ESS2: variants seen among roughly 807,000 people sequenced by gnomAD.
ESS2 encodes the protein ess-2 spliceosome associated protein, also known as splicing factor ESS-2 homolog.
ESS2 carries 31 observed loss-of-function variants against 52.0 expected under a neutral mutation model. The observed-to-expected ratio is 0.60, with a 90% CI of 0.45 to 0.81. The LOEUF is 0.81. Ranked by LOEUF, ESS2 falls within the 30% of genes least tolerant of loss-of-function variation. ESS2 has a pLI of 0.00. For missense variants in ESS2, 602 were observed against 637.2 expected (o/e 0.94, Z 0.59); for synonymous variants, 285 against 259.2 (o/e 1.10, Z -0.95).
chr22:19,134,018 G>A lies in ESS2; in HGVS notation c.*178C>T. ...TTGGCAAGGCCCTGGGGTGTGGTGT[G>A]GGCACGAGTGCCTTGTGCCAGTCTG... On this transcript the variant is annotated 3_prime_UTR_variant, in exon 10 of 10. Transcript: ENST00000252137. 1.5e-6 allele frequency: 1 copy of A among 659,660 alleles called. No homozygotes were observed. The highest frequency in any genetic ancestry group is 2.2e-6 in the Non-Finnish European group (1 of 453,210). The allele number at this position is 659,660 out of a possible 1,614,324, so 40.9% of individuals were successfully genotyped here.
rs2083503345 is a variant in ESS2 at position 19,131,283 on chromosome 22, A to AAGCCCAGCCCAGGGC, written c.*2898_*2912dup. The AAGCCCAGCCCAGGGC allele has an allele frequency of 2.3e-6, 2 of 867,036 alleles. No individual in the cohort carries two copies. The highest frequency in any genetic ancestry group is 2.5e-5 in the East Asian group (1 of 40,180). The allele number at this position is 867,036 out of a possible 1,614,324, so 53.7% of individuals were successfully genotyped here. A position where few individuals can be genotyped will look rare whatever the true frequency, so the allele number is the denominator to read the frequency against. On this transcript the variant is annotated 3_prime_UTR_variant, in exon 10 of 10. Coordinates refer to ENST00000252137, the MANE Select transcript of ESS2 (RefSeq NM_022719.3). This position sits in a 1 kb window ranked among gnomAD's most constrained non-coding sequence, Gnocchi z 5.7. ...TGCTGAGTGTTCCACCCCTGAGTCG[A>AAGCCCAGCCCAGGGC]AGCCCAGCCCAGGGCAGCCCAGCCA...
At chr22:19,139,105 C>G in intron 6 of ESS2, 54 bp downstream of exon 6, 1 of 1,539,268 alleles carries the variant, frequency 6.5e-7, no homozygotes, top group Non-Finnish European at 8.7e-7. Flanking sequence ...ATGCCTGCCC[C>G]CAGGCAGCCC....
At position 19,131,721 on chromosome 22, in the gene ESS2, C is replaced by A. The variant is rs2146083969; in HGVS notation, c.*2475G>T. ...CGAGTTCATCAAGTGCCAGGGAGCCCTGCATGAGGACGTGGCACGCAAGAT... is the reference window on the plus strand; with the variant it reads ...CGAGTTCATCAAGTGCCAGGGAGCCATGCATGAGGACGTGGCACGCAAGAT... On this transcript the variant is annotated 3_prime_UTR_variant, in exon 10 of 10. Coordinates refer to ENST00000252137, the MANE Select transcript of ESS2 (RefSeq NM_022719.3). This position sits in a 1 kb window ranked among gnomAD's most constrained non-coding sequence, Gnocchi z 5.7. The A allele has an allele frequency of 6.2e-7, 1 of 1,614,100 alleles. No individual in the cohort carries two copies. Among genetic ancestry groups the A allele is most frequent in the Non-Finnish European group, 8.5e-7 (1 of 1,179,964 alleles).
At chr22:19,144,286 A>G in intron 1 of ESS2, 2 of 1,325,612 alleles carry the variant, frequency 1.5e-6, no homozygotes, top group Non-Finnish European at 1.9e-6. Context: ...CGTCCCATAC[A>G]AAGAGAGCCG....
rs1360235158 is a variant in ESS2 at position 19,139,271 on chromosome 22, AGCT to A, written c.707_709del (p.Gln236del). ...TACCACCTGCCGGGGCTTCTTAAACAGCTGCTCCTCGTCAGGGACACCTGGCAG... is the reference window on the plus strand; with the variant it reads ...TACCACCTGCCGGGGCTTCTTAAACAGCTCCTCGTCAGGGACACCTGGCAG... On this transcript the variant is annotated inframe_deletion, in exon 6 of 10. Coordinates refer to ENST00000252137, the MANE Select transcript of ESS2 (RefSeq NM_022719.3). The A allele has an allele frequency of 6.2e-7, 1 of 1,602,898 alleles. No homozygotes were observed. Among genetic ancestry groups the A allele is most frequent in the Non-Finnish European group, 8.5e-7 (1 of 1,173,776 alleles).
In ESS2 at chr22:19,131,561, G is replaced by C; in HGVS notation, c.*2635C>G. On this transcript the variant is annotated 3_prime_UTR_variant, in exon 10 of 10. Transcript: ENST00000252137. The surrounding 1 kb of genome is among the most constrained non-coding windows in gnomAD (Gnocchi z 5.7). ...AGAAAACACCTACTGACTTTGTGGAGAGATTCCTTCCTCGGGAGATGGACA... is the reference window on the plus strand; with the variant it reads ...AGAAAACACCTACTGACTTTGTGGACAGATTCCTTCCTCGGGAGATGGACA... 6.2e-7 allele frequency: 1 copy of C among 1,614,164 alleles called. No homozygotes were observed. The highest frequency in any genetic ancestry group is 8.5e-7 in the Non-Finnish European group (1 of 1,180,038).
Position 19,131,333 on chromosome 22 carries a change from G to A in ESS2, c.*2863C>T. The A allele has an allele frequency of 3.5e-6, 5 of 1,424,728 alleles. No homozygotes were observed. Among genetic ancestry groups the A allele is most frequent in the Non-Finnish European group, 4.8e-6 (5 of 1,041,230 alleles). The allele number at this position is 1,424,728 out of a possible 1,614,324, so 88.3% of individuals were successfully genotyped here. A position where few individuals can be genotyped will look rare whatever the true frequency, so the allele number is the denominator to read the frequency against. On this transcript the variant is annotated 3_prime_UTR_variant, in exon 10 of 10. Transcript: ENST00000252137. This position sits in a 1 kb window ranked among gnomAD's most constrained non-coding sequence, Gnocchi z 5.7. ...AGACGCCTCCGGTAGTGTAAATGAG[G>A]ACAATGCCTGCTGGCCCACATGACG... is the stretch of plus-strand genomic sequence containing the variant.
chr22:19,138,331 A>G lies in ESS2; in HGVS notation c.823-14T>C. On this transcript the variant is annotated splice_polypyrimidine_tract_variant and intron_variant, in intron 6 of 9. Coordinates refer to ENST00000252137, the MANE Select transcript of ESS2 (RefSeq NM_022719.3). ...GCCCTGTTTGTGCTGGAACAAGCAG[A>G]GAGGCTGGCATCAGGGGGACCGCAG... 1 of 1,612,550 alleles carries G rather than the reference A, an allele frequency of 6.2e-7. No individual in the cohort carries two copies.
rs538357476 is a variant in ESS2, at chr22:19,134,975, T to C, written c.1151+85A>G. The C allele has an allele frequency of 5.3e-6, 7 of 1,313,218 alleles. No individual in the cohort carries two copies. In the East Asian group the frequency reaches 1.4e-4, roughly 26 times the overall value. 81.3% of individuals were successfully genotyped at this position (1,313,218 alleles called of 1,614,324 possible). On this transcript the variant is annotated intron_variant, in intron 9 of 9. Transcript: ENST00000252137. ...GCCCTGGACTCTGCCGCGTGGGCCA[T>C]GCCTCCACACGGTCAGGGCAGGGGC...
rs375055751 is a variant in ESS2, at chr22:19,142,567, G to A, written c.371C>T (p.Pro124Leu). Residue 124 changes from proline (P) to leucine (L), a missense_variant, in exon 3 of 10, where the codon CCC (proline) becomes CTC (leucine). Coordinates refer to ENST00000252137, the MANE Select transcript of ESS2 (RefSeq NM_022719.3). ...HAGTGVVGNK[P>L]RPRGRGLEDG... ...CTCCAGGCCTCGGCCGCGGGGCCTG[G>A]GCTTGTTGCCCACCACTCCAGTGCC... 6.2e-7 allele frequency: 1 copy of A among 1,612,758 alleles called. No homozygotes were observed. The highest frequency in any genetic ancestry group is 8.5e-7 in the Non-Finnish European group (1 of 1,179,582).
chr22:19,131,495 G>C lies in ESS2; in HGVS notation c.*2701C>G, dbSNP rs1259174565. Reference sequence around the variant, plus strand: ...CAAAAGTCAAATCTGCCTACTCTGAGCGCCTCAAGTTCAATGTGGCTGTCA... The same window carrying C: ...CAAAAGTCAAATCTGCCTACTCTGACCGCCTCAAGTTCAATGTGGCTGTCA... On this transcript the variant is annotated 3_prime_UTR_variant, in exon 10 of 10. Transcript: ENST00000252137. The surrounding 1 kb of genome is among the most constrained non-coding windows in gnomAD (Gnocchi z 5.7). 1 of 1,614,058 alleles carries C rather than the reference G, an allele frequency of 6.2e-7. No homozygotes were observed. The highest frequency in any genetic ancestry group is 1.3e-5 in the African/African-American group (1 of 74,920).
chr22:19,144,611 G>A lies in ESS2; in HGVS notation c.30C>T (p.Ser10=), dbSNP rs748464483. 7 of 1,577,930 alleles carry A rather than the reference G, an allele frequency of 4.4e-6. No individual in the cohort carries two copies. The highest frequency in any genetic ancestry group is 2.3e-5 in the South Asian group (2 of 88,520). ...GCCTGGACGCGGCGGGAAGCAACAA[G>A]GACGACGCTGATGCGCCCGGCGTCT... METPGASAS[S]LLLPAASRPP... The change falls in exon 1 of 10, where the codon TCC becomes TCT. Residue 10 remains serine, a synonymous_variant. Coordinates refer to ENST00000252137, the MANE Select transcript of ESS2 (RefSeq NM_022719.3).
chr22:19,141,123 A>G (rs186837741), intron 3 of ESS2, among the ~76,000 whole-genome samples: 2,453 of 145,570 alleles, frequency 0.017, 79 homozygotes, highest in East Asian at 0.064. Flanking sequence ...CTCTATAGGA[A>G]AAAAAAAAAA....
At chr22:19,137,234 T>C in intron 8 of ESS2, 89 bp downstream of exon 8, 1 of 918,516 alleles carries the variant, frequency 1.1e-6, no homozygotes. Flanking sequence ...TGGGGGCCGA[T>C]CCCAGTGCTC....
chr22:19,136,098 G>A (rs2083577128), intron 8 of ESS2, among the ~76,000 whole-genome samples: 1 of 150,818 alleles, frequency 6.6e-6, no homozygotes, highest in Non-Finnish European at 1.5e-5. Context: ...CCAGCACTTT[G>A]GGAGGCTGAG....
Position 19,139,668 on chromosome 22 carries a change from G to A in ESS2, c.632C>T (p.Ala211Val). Residue 211 changes from alanine (A) to valine (V), a missense_variant, in exon 5 of 10, where the codon GCC becomes GTC. Ala to Val is a moderately conservative substitution (Grantham distance 64). Transcript: ENST00000252137. ...CTTGTACTTCCAGGTCTCCACACTG[G>A]CCTGGCTGCTCTCGATGGCCTGGTG... ...AEHQAIESSQ[A>V]SVETWKYKAK... 1 of 1,614,184 alleles carries A rather than the reference G, an allele frequency of 6.2e-7. No individual in the cohort carries two copies. The highest frequency in any genetic ancestry group is 8.5e-7 in the Non-Finnish European group (1 of 1,180,034).
At position 19,131,417 on chromosome 22, in the gene ESS2, C is replaced by T; in HGVS notation, c.*2779G>A. 1 of 1,609,204 alleles carries T rather than the reference C, an allele frequency of 6.2e-7. No individual in the cohort carries two copies. Among genetic ancestry groups the T allele is most frequent in the Non-Finnish European group, 8.5e-7 (1 of 1,177,218 alleles). On this transcript the variant is annotated 3_prime_UTR_variant, in exon 10 of 10. Transcript: ENST00000252137. This position sits in a 1 kb window ranked among gnomAD's most constrained non-coding sequence, Gnocchi z 5.7. The stretch of plus-strand genomic sequence containing the variant: ...CTGGCACCATGGACGATGCCACAGT[C>T]CTAAGGAAGAAGGGTTACATCGTAG...
At chr22:19,143,202 CAAAAAA>C (rs10632625) in intron 1 of ESS2, among the ~76,000 whole-genome samples, 32 of 113,024 alleles carry the variant, frequency 2.8e-4, no homozygotes, top group Non-Finnish European at 3.3e-4. Flanking sequence ...GAGACCGTCT[CAAAAAA>C]AAAAAAAAAA....
rs538086819 is a variant in ESS2, at chr22:19,139,359, C to T, written c.689-67G>A. On this transcript the variant is annotated intron_variant, in intron 5 of 9. Coordinates refer to ENST00000252137, the MANE Select transcript of ESS2 (RefSeq NM_022719.3). ...AGCAGCCTAAGGAGCATGAGGAGCTCGCTTCTCGGCCAAGTCACTCCCAGA... is the reference window on the plus strand; with the variant it reads ...AGCAGCCTAAGGAGCATGAGGAGCTTGCTTCTCGGCCAAGTCACTCCCAGA... 330 of 1,498,288 alleles carry T rather than the reference C, an allele frequency of 2.2e-4. No homozygotes were observed. In the African/African-American group the frequency reaches 4.2e-3, roughly 19 times the overall value. 92.8% of individuals were successfully genotyped at this position (1,498,288 alleles called of 1,614,324 possible). A position where few individuals can be genotyped will look rare whatever the true frequency, so the allele number is the denominator to read the frequency against.
Sources: allele counts gnomAD v4.1 joint callset (sites outside exome capture counted in the v4.1 genomes callset), GRCh38; gene constraint gnomAD v4.1.1; non-coding constraint Gnocchi (gnomAD v3.1); transcripts MANE v1.5; gene names NCBI Gene and HGNC (gene_info 2026-07-23, HGNC 2026-07-21).